ACAP2: variants seen among roughly 807,000 people sequenced by gnomAD.
ACAP2 encodes the protein ArfGAP with coiled-coil, ankyrin repeat and PH domains 2, also known as arf-GAP with coiled-coil, ANK repeat and PH domain-containing protein 2.
In ACAP2, 39 loss-of-function variants were observed where a neutral mutation model predicts 115.8. The observed-to-expected ratio is 0.34, with a 90% CI of 0.26 to 0.44. The LOEUF is 0.44. Ranked by LOEUF, ACAP2 falls within the 20% of genes least tolerant of loss-of-function variation. The pLI is 1.00. For synonymous variants in ACAP2, 289 were observed against 315.8 expected (o/e 0.92, Z 0.90); for missense variants, 662 against 927.6 (o/e 0.71, Z 3.72).
chr3:195,433,186 T>A (rs1715270882), intron 1 of ACAP2, among the ~76,000 whole-genome samples: 1 of 152,170 alleles, frequency 6.6e-6, no homozygotes, highest in East Asian at 1.9e-4. Flanking sequence ...CCTTCATACA[T>A]CATCTTATAT....
intron 1 of ACAP2, among the ~76,000 whole-genome samples, chr3:195,432,750 G>A (rs1035754006): frequency 6.6e-5 from 10 of 152,118 alleles, no homozygotes; most frequent in Admixed American, 3.9e-4. Context: ...TAGAGATTGC[G>A]TTTAGTTTGT....
intron 7 of ACAP2, chr3:195,336,474 T>C (rs1577320163): frequency 6.6e-6 from 1 of 152,576 alleles, no homozygotes; most frequent in East Asian, 1.9e-4. Context: ...AAAATGTAAA[T>C]ATGTTGAAAG....
At chr3:195,427,950 T>C (rs1714805874) in intron 1 of ACAP2, among the ~76,000 whole-genome samples, 1 of 150,626 alleles carries the variant, frequency 6.6e-6, no homozygotes, top group Non-Finnish European at 1.5e-5. Flanking sequence ...TGTGCTTGTG[T>C]CTGTATGTAT....
intron 6 of ACAP2, among the ~76,000 whole-genome samples, chr3:195,337,491 C>T (rs1730584341): frequency 6.8e-6 from 1 of 146,926 alleles, no homozygotes; most frequent in South Asian, 2.1e-4. Context: ...TCTTATTGCG[C>T]AGGCTGCAGT....
At chr3:195,390,548 A>T (rs924717555) in intron 2 of ACAP2, among the ~76,000 whole-genome samples, 1 of 152,180 alleles carries the variant, frequency 6.6e-6, no homozygotes, top group African/African-American at 2.4e-5. Flanking sequence ...CTTCAGCTTA[A>T]TATATTTTAT....
intron 20 of ACAP2, among the ~76,000 whole-genome samples, chr3:195,290,351 G>A (rs150532268): frequency 1.2e-3 from 180 of 152,098 alleles, no homozygotes; most frequent in Middle Eastern, 0.01. Flanking sequence ...ACACTCCAAC[G>A]TGAGCAACAT....
chr3:195,287,767 C>T (rs931916598), intron 21 of ACAP2, among the ~76,000 whole-genome samples: 1 of 152,100 alleles, frequency 6.6e-6, no homozygotes, highest in Admixed American at 6.5e-5. Context: ...ATCTGTTAGT[C>T]TAACAATCCC....
At chr3:195,408,024 G>C (rs184044444) in intron 1 of ACAP2, among the ~76,000 whole-genome samples, 2 of 152,252 alleles carry the variant, frequency 1.3e-5, no homozygotes, top group Admixed American at 1.3e-4. Flanking sequence ...CTATGAGCAA[G>C]TATATGCCAA....
intron 2 of ACAP2, among the ~76,000 whole-genome samples, chr3:195,389,640 A>G (rs990553708): frequency 4.6e-5 from 7 of 152,248 alleles, no homozygotes; most frequent in African/African-American, 1.7e-4. Flanking sequence ...TTTTGTTTTA[A>G]AGAGTACTTG....
intron 4 of ACAP2, among the ~76,000 whole-genome samples, chr3:195,379,394 A>C (rs1368297332): frequency 2.0e-5 from 3 of 152,236 alleles, no homozygotes; most frequent in African/African-American, 7.2e-5. Flanking sequence ...AAAATGAGAG[A>C]AAATATTTGT....
chr3:195,373,999 G>A (rs1477708083), intron 4 of ACAP2, among the ~76,000 whole-genome samples: 2 of 152,186 alleles, frequency 1.3e-5, no homozygotes, highest in Non-Finnish European at 2.9e-5. Context: ...AAGTGAGTCA[G>A]TGCTAAAATC....
chr3:195,377,248 G>T (rs1733617302), intron 4 of ACAP2, among the ~76,000 whole-genome samples: 1 of 145,652 alleles, frequency 6.9e-6, no homozygotes, highest in African/African-American at 2.5e-5. Context: ...AGGCTCAAGT[G>T]ATCCTCACAC....
intron 7 of ACAP2, among the ~76,000 whole-genome samples, chr3:195,335,126 TTC>T (rs1377719228): frequency 2.0e-5 from 3 of 152,184 alleles, no homozygotes; most frequent in Non-Finnish European, 4.4e-5. Context: ...AAATTCAAAT[TTC>T]TGTGTTTATA....
Position 195,302,036 on chromosome 3 carries a change from G to C in ACAP2, c.1255C>G (p.Leu419Val). ...PGNASCCDCG[L>V]ADPRWASINL... ...ATGCTGGCCCACCGTGGATCTGCCA[G>C]GCCACAGTCACAACAGCTGGCATTG... is the stretch of plus-strand genomic sequence containing the variant. Residue 419 changes from leucine to valine, a missense_variant, in exon 14 of 23, where the codon CTG becomes GTG. Transcript: ENST00000326793. 1.2e-6 allele frequency: 2 copies of C among 1,614,088 alleles called. No homozygotes were observed. Among genetic ancestry groups the C allele is most frequent in the Non-Finnish European group, 1.7e-6 (2 of 1,180,042 alleles).
rs746604922 is a variant in ACAP2, at chr3:195,292,449, CCTT to C, written c.1766_1768del (p.Glu589del). 3.1e-5 allele frequency: 49 copies of C among 1,599,418 alleles called. No individual in the cohort carries two copies. In the African/African-American group the frequency reaches 6.5e-4, roughly 21 times the overall value. ...AAACATAGAAGAATCTTGCCTTTCTCCTTCTGAAAAGCAAACACATACACATCA... is the reference window on the plus strand; with the variant it reads ...AAACATAGAAGAATCTTGCCTTTCTCCTGAAAAGCAAACACATACACATCA... On this transcript the variant is annotated inframe_deletion and splice_region_variant, in exon 19 of 23. Coordinates refer to ENST00000326793, the MANE Select transcript of ACAP2 (RefSeq NM_012287.6).
Position 195,302,155 on chromosome 3 carries a change from G to T in ACAP2, c.1136C>A (p.Ser379Tyr). Reference protein sequence around the residue: ...DESEKLDKKSSPSTGSLDSGN... With the variant: ...DESEKLDKKSYPSTGSLDSGN... ...AGAATCTAGGCTTCCTGTGGATGGAGATGATTTCTTATCCAGCTTCTAAAA... is the reference window on the plus strand; with the variant it reads ...AGAATCTAGGCTTCCTGTGGATGGATATGATTTCTTATCCAGCTTCTAAAA... Residue 379 changes from serine to tyrosine, a missense_variant, in exon 14 of 23, where the codon TCT (serine) becomes TAT (tyrosine). By Grantham distance (144) the Ser-to-Tyr change is moderately radical. Coordinates refer to ENST00000326793, the MANE Select transcript of ACAP2 (RefSeq NM_012287.6). 1.2e-6 allele frequency: 2 copies of T among 1,612,482 alleles called. No individual in the cohort carries two copies. Among genetic ancestry groups the T allele is most frequent in the Non-Finnish European group, 1.7e-6 (2 of 1,179,328 alleles).
At chr3:195,383,692 A>C (rs1734099316) in intron 2 of ACAP2, among the ~76,000 whole-genome samples, 1 of 152,168 alleles carries the variant, frequency 6.6e-6, no homozygotes, top group African/African-American at 2.4e-5. Flanking sequence ...GGAAAAAACA[A>C]ACACAGTCAA....
chr3:195,320,914 T>C, intron 9 of ACAP2, 101 bp from the exon 10 acceptor site: 2 of 679,362 alleles, frequency 2.9e-6, no homozygotes, highest in South Asian at 4.0e-5. Flanking sequence ...AAAAGGTTTA[T>C]ATTAAGACAG....
chr3:195,292,843 A>G (rs1466168505), intron 18 of ACAP2, among the ~76,000 whole-genome samples: 1 of 144,554 alleles, frequency 6.9e-6, no homozygotes, highest in Non-Finnish European at 1.5e-5. Flanking sequence ...AATCACTTGA[A>G]CCCGGGAGGC....
Sources: allele counts gnomAD v4.1 joint callset (sites outside exome capture counted in the v4.1 genomes callset), GRCh38; gene constraint gnomAD v4.1.1; transcripts MANE v1.5; gene names NCBI Gene and HGNC (gene_info 2026-07-23, HGNC 2026-07-21).